FIRRM: variants seen among roughly 807,000 people sequenced by gnomAD.
FIRRM encodes the protein FIGNL1 interacting regulator of recombination and mitosis.
At chr1:169,804,734 A>G in the FIRRM span, among the ~76,000 whole-genome samples, 3 of 152,100 alleles carry the variant, frequency 2.0e-5, no homozygotes, top group African/African-American at 7.2e-5. Context: ...CCCAGGCTGG[A>G]GTGCAGTGGC....
the FIRRM span, among the ~76,000 whole-genome samples, chr1:169,824,091 C>CT: frequency 6.6e-6 from 1 of 152,188 alleles, no homozygotes; most frequent in African/African-American, 2.4e-5. Flanking sequence ...CTTCCTCAAA[C>CT]TTCCTGTATC....
the FIRRM span, among the ~76,000 whole-genome samples, chr1:169,829,607 G>A: frequency 1.3e-5 from 2 of 152,230 alleles, no homozygotes; most frequent in Non-Finnish European, 2.9e-5. Context: ...CCAGATTCCT[G>A]TATTATTTAG....
the FIRRM span, among the ~76,000 whole-genome samples, chr1:169,791,894 T>C: frequency 6.6e-6 from 1 of 152,200 alleles, no homozygotes; most frequent in Non-Finnish European, 1.5e-5. Context: ...TCTCCTTTCT[T>C]TCCTACTATT....
At chr1:169,791,736 A>C in the FIRRM span, among the ~76,000 whole-genome samples, 2 of 152,230 alleles carry the variant, frequency 1.3e-5, no homozygotes, top group African/African-American at 4.8e-5. Flanking sequence ...TATCACATTC[A>C]ATTGAATCCA....
At chr1:169,811,021 G>A in the FIRRM span, among the ~76,000 whole-genome samples, 5 of 150,774 alleles carry the variant, frequency 3.3e-5, no homozygotes, top group Admixed American at 6.6e-5. Context: ...CACCGCGCCC[G>A]GCTAATTTTT....
chr1:169,854,042 TTTTTCA>T, the FIRRM span: 1 of 564,678 alleles, frequency 1.8e-6, no homozygotes, highest in Non-Finnish European at 3.0e-6. Context: ...CTTTTTTTTC[TTTTTCA>T]AATAAAAAGG....
the FIRRM span, chr1:169,849,369 T>G: frequency 1.6e-6 from 1 of 626,354 alleles, no homozygotes; most frequent in Non-Finnish European, 2.7e-6. Context: ...TTACCTAATA[T>G]GTTTTAGTGT....
chr1:169,819,421 C>T, the FIRRM span, among the ~76,000 whole-genome samples: 1 of 152,138 alleles, frequency 6.6e-6, no homozygotes, highest in South Asian at 2.1e-4. Context: ...AGTTATATAC[C>T]AAAGCTCTGT....
At chr1:169,806,418 A>G in the FIRRM span, among the ~76,000 whole-genome samples, 1 of 152,376 alleles carries the variant, frequency 6.6e-6, no homozygotes, top group East Asian at 1.9e-4. Context: ...CTAGGATTAG[A>G]TAAATTGATA....
the FIRRM span, among the ~76,000 whole-genome samples, chr1:169,802,092 G>C: frequency 6.6e-6 from 1 of 152,126 alleles, no homozygotes; most frequent in Non-Finnish European, 1.5e-5. Context: ...ATCTAGGGTG[G>C]CTAACTTTTC....
the FIRRM span, chr1:169,793,486 A>G: frequency 1.3e-5 from 21 of 1,613,936 alleles, no homozygotes; most frequent in Admixed American, 2.3e-4. Context: ...CTTGAGAGGG[A>G]GCTGCATTTT....
chr1:169,845,426 T>C, the FIRRM span, among the ~76,000 whole-genome samples: 1 of 152,222 alleles, frequency 6.6e-6, no homozygotes, highest in Non-Finnish European at 1.5e-5. Flanking sequence ...CAATGAAGTC[T>C]GCCACATCAA....
the FIRRM span, among the ~76,000 whole-genome samples, chr1:169,831,535 T>G: frequency 2.0e-5 from 3 of 152,202 alleles, no homozygotes; most frequent in Non-Finnish European, 4.4e-5. Flanking sequence ...CTTACACACT[T>G]TACTAAATCC....
the FIRRM span, among the ~76,000 whole-genome samples, chr1:169,848,119 T>G: frequency 6.6e-6 from 1 of 152,152 alleles, no homozygotes; most frequent in Non-Finnish European, 1.5e-5. Context: ...AGCATGTAAT[T>G]AGGAAATTTG....
At chr1:169,829,261 A>G in the FIRRM span, 6 of 1,542,470 alleles carry the variant, frequency 3.9e-6, no homozygotes, top group Non-Finnish European at 4.4e-6. Context: ...ATTTCCCTGC[A>G]GGATATCTCT....
chr1:169,793,567 C>T, the FIRRM span: 4 of 1,614,070 alleles, frequency 2.5e-6, no homozygotes, highest in Non-Finnish European at 3.4e-6. Context: ...TTCTGTCCCT[C>T]TCTTCTCCTT....
the FIRRM span, among the ~76,000 whole-genome samples, chr1:169,844,455 A>G: frequency 5.4e-4 from 83 of 152,378 alleles, no homozygotes; most frequent in Middle Eastern, 6.8e-3. Flanking sequence ...AAGATAAACA[A>G]TAACTGTTAA....
the FIRRM span, chr1:169,795,250 G>A: frequency 6.6e-7 from 1 of 1,526,192 alleles, no homozygotes; most frequent in South Asian, 1.2e-5. Context: ...CCTAGAGAAG[G>A]GTGTGGGCGG....
the FIRRM span, among the ~76,000 whole-genome samples, chr1:169,833,968 G>A: frequency 6.6e-6 from 1 of 150,834 alleles, no homozygotes; most frequent in Non-Finnish European, 1.5e-5. Context: ...TGGGATTAGA[G>A]GTGTGAGCTA....
Sources: gnomAD v4.1 joint callset for allele counts (sites outside exome capture counted in the v4.1 genomes callset) on GRCh38, gnomAD v4.1.1 for gene constraint, MANE v1.5 for transcripts, NCBI Gene and HGNC (gene_info 2026-07-23, HGNC 2026-07-21) for gene names.